ANK1: variants seen among roughly 807,000 people sequenced by gnomAD.
ANK1 encodes the protein ankyrin-1.
Under a neutral mutation model 210.4 loss-of-function variants are expected in ANK1, and 51 were observed. The observed-to-expected ratio is 0.24, with a 90% confidence interval of 0.19 to 0.31. The LOEUF is 0.31. Ranked by LOEUF, ANK1 falls within the 10% of genes least tolerant of loss-of-function variation. ANK1 has a pLI of 1.00. For missense variants in ANK1, 2,051 were observed against 2,504.4 expected, an observed-to-expected ratio of 0.82 and a Z score of 3.86; for synonymous variants, 967 against 1,025.9, an observed-to-expected ratio of 0.94 and a Z score of 1.10.
intron 1 of ANK1, among the ~76,000 whole-genome samples, chr8:41,871,451 A>G (rs2150825281): frequency 6.6e-6 from 1 of 152,300 alleles, no homozygotes; most frequent in Middle Eastern, 3.4e-3. Flanking sequence ...AGGATTGCAG[A>G]TGTGAGCCAC....
intron 1 of ANK1, among the ~76,000 whole-genome samples, chr8:41,816,889 A>G (rs898125403): frequency 6.6e-6 from 1 of 152,236 alleles, no homozygotes; most frequent in Non-Finnish European, 1.5e-5. Flanking sequence ...ACATTACATG[A>G]CATACATACA....
Position 41,659,433 on chromosome 8 carries a change from C to T in ANK1, c.*36+1997G>A, listed in dbSNP as rs1177486546. ...GTGTGTCCATGAATGAGCCAAAGCA[C>T]GGTGAGTGCCAGCTTTGGGGCTACA... On this transcript the variant is annotated intron_variant, in intron 42 of 42. Transcript: ENST00000289734. Among the ~76,000 whole-genome samples, 3 of 152,196 alleles carry T rather than the reference C, an allele frequency of 2.0e-5. No individual in the cohort carries two copies. The East Asian group carries it at 5.8e-4, about 29-fold the overall frequency.
intron 6 of ANK1, among the ~76,000 whole-genome samples, chr8:41,725,555 C>T (rs1453162547): frequency 1.3e-5 from 2 of 152,220 alleles, no homozygotes; most frequent in African/African-American, 4.8e-5. Flanking sequence ...CCGCTGCTCA[C>T]CAAGAGCACG....
intron 42 of ANK1, 82 bp downstream of exon 42, chr8:41,661,348 T>C: frequency 6.4e-7 from 1 of 1,567,984 alleles, no homozygotes; most frequent in Non-Finnish European, 8.6e-7. Flanking sequence ...CTGGGGTGGC[T>C]GGGAGGGGAT....
chr8:41,706,180 A>C lies in ANK1; in HGVS notation c.2060T>G (p.Leu687Arg). ...QEGHVPVADV[L>R]IKHGVMVDAT... ...GTCCACCATGACGCCGTGTTTGATCAGCACATCTGCCACTGGAACGTGGCC... is the reference window on the plus strand; with the variant it reads ...GTCCACCATGACGCCGTGTTTGATCCGCACATCTGCCACTGGAACGTGGCC... The change falls in exon 18 of 43, where the codon CTG becomes CGG. Residue 687 changes from leucine (L) to arginine (R), a missense_variant. Transcript: ENST00000289734. 1 of 1,614,124 alleles carries C rather than the reference A, an allele frequency of 6.2e-7. No homozygotes were observed. The highest frequency in any genetic ancestry group is 8.5e-7 in the Non-Finnish European group (1 of 1,179,956).
At chr8:41,763,720 A>C (rs911624526) in intron 1 of ANK1, among the ~76,000 whole-genome samples, 1 of 152,048 alleles carries the variant, frequency 6.6e-6, no homozygotes, top group Non-Finnish European at 1.5e-5. Context: ...TATTCAGACC[A>C]AGACAGGTCT....
chr8:41,708,016 T>C (rs1825126974), intron 17 of ANK1, among the ~76,000 whole-genome samples: 1 of 152,094 alleles, frequency 6.6e-6, no homozygotes, highest in South Asian at 2.1e-4. Flanking sequence ...GACCGGGGGC[T>C]CTGGGGGAAA....
At chr8:41,709,090 G>T in intron 16 of ANK1, 115 bp from the exon 17 acceptor site, 1 of 1,226,346 alleles carries the variant, frequency 8.2e-7, no homozygotes, top group Non-Finnish European at 1.2e-6. Flanking sequence ...AGTGAGCAGG[G>T]CTGGCATCAC....
intron 26 of ANK1, 22 bp downstream of exon 26, chr8:41,696,341 C>T (rs201302857): frequency 2.6e-5 from 42 of 1,611,716 alleles, no homozygotes; most frequent in Middle Eastern, 1.7e-4. Context: ...GGGGAGAACA[C>T]GGGCTGCCCG....
intron 1 of ANK1, among the ~76,000 whole-genome samples, chr8:41,817,056 A>G (rs1803463525): frequency 6.6e-6 from 1 of 151,912 alleles, no homozygotes; most frequent in African/African-American, 2.4e-5. Context: ...ATGCTTTTGT[A>G]CTCAAGACTT....
intron 2 of ANK1, among the ~76,000 whole-genome samples, chr8:41,750,404 C>T (rs1426580991): frequency 6.6e-6 from 1 of 152,202 alleles, no homozygotes; most frequent in Non-Finnish European, 1.5e-5. Context: ...GTGGGGCTAA[C>T]GCCAGCATCT....
rs191601075 is a variant in ANK1 at position 41,843,238 on chromosome 8, C to T, written c.126+53117G>A. 5.3e-5 allele frequency among the ~76,000 whole-genome samples: 8 copies of T among 152,290 alleles called. No homozygotes were observed. The Middle Eastern group carries it at 0.01, about 194-fold the overall frequency. On this transcript the variant is annotated intron_variant, in intron 1 of 42. Coordinates refer to the ANK1 transcript ENST00000265709. Reference sequence around the variant, plus strand: ...GCGGTACGTGAGAGATTTTGTTACACGTATATAATGTGTAGTGATCAAGTC... The same window carrying T: ...GCGGTACGTGAGAGATTTTGTTACATGTATATAATGTGTAGTGATCAAGTC...
In ANK1 at chr8:41,697,820, C is replaced by T. The variant is rs549124717; in HGVS notation, c.2637+223G>A. 3.8e-5 allele frequency: 24 copies of T among 628,970 alleles called. No homozygotes were observed. In the East Asian group the frequency reaches 6.6e-4, roughly 17 times the overall value. 39.0% of individuals were successfully genotyped at this position (628,970 alleles called of 1,614,324 possible). ...GCTGCATCCAAGGACTGCGCCACCA[C>T]AGGAAAGGGCCCCATCTGACCATCT... is the stretch of plus-strand genomic sequence containing the variant. On this transcript the variant is annotated intron_variant, in intron 24 of 42. Transcript: ENST00000289734.
At chr8:41,757,550 C>T (rs1365715990) in intron 2 of ANK1, among the ~76,000 whole-genome samples, 1 of 152,228 alleles carries the variant, frequency 6.6e-6, no homozygotes. Flanking sequence ...GAGCCAGCCT[C>T]TGCACCAGCC....
chr8:41,881,805 TAA>T (rs1817632857), intron 1 of ANK1, among the ~76,000 whole-genome samples: 1 of 152,158 alleles, frequency 6.6e-6, no homozygotes, highest in Non-Finnish European at 1.5e-5. Context: ...TCCTCACCTG[TAA>T]AACACCGTTC....
At chr8:41,841,995 A>G (rs1397628264) in intron 1 of ANK1, among the ~76,000 whole-genome samples, 3 of 152,212 alleles carry the variant, frequency 2.0e-5, no homozygotes, top group Admixed American at 6.5e-5. Flanking sequence ...AAACCCACAC[A>G]CTTATCTGGA....
chr8:41,749,066 C>T (rs1449520035), intron 2 of ANK1, among the ~76,000 whole-genome samples: 1 of 151,724 alleles, frequency 6.6e-6, no homozygotes, highest in Non-Finnish European at 1.5e-5. Flanking sequence ...TGAATGATTA[C>T]ACGGACAAAA....
chr8:41,742,609 G>A (rs112319997), intron 2 of ANK1, among the ~76,000 whole-genome samples: 3,503 of 152,212 alleles, frequency 0.023, 136 homozygotes, highest in African/African-American at 0.079. Flanking sequence ...TATAACACTC[G>A]GGAAACACAA....
In ANK1 at chr8:41,891,287, T is replaced by G. The variant is rs1009593440; in HGVS notation, c.126+5068A>C. ...GAAGAAACCTCAGATGAGTTTGTTT[T>G]TTTTTTTTAAGTGTTGCCACATTGA... is the stretch of plus-strand genomic sequence containing the variant. On this transcript the variant is annotated intron_variant, in intron 1 of 42. Transcript: ENST00000265709. Among the ~76,000 whole-genome samples the G allele has an allele frequency of 1.6e-4, 25 of 152,206 alleles. No homozygotes were observed. In the East Asian group the frequency reaches 2.3e-3, roughly 14 times the overall value.
Sources: allele counts gnomAD v4.1 joint callset (sites outside exome capture counted in the v4.1 genomes callset), GRCh38; gene constraint gnomAD v4.1.1; transcripts MANE v1.5; gene names NCBI Gene and HGNC (gene_info 2026-07-23, HGNC 2026-07-21).